Variants in CASK observed in about 807,000 individuals in gnomAD.
CASK encodes peripheral plasma membrane protein CASK.
Under a neutral mutation model 82.9 loss-of-function variants are expected in CASK, and 4 were observed. The ratio of observed to expected loss-of-function variants is 0.05; its 90% CI spans 0.02 to 0.11. The LOEUF is 0.11. Among genes scored for constraint, CASK ranks in the 10% least tolerant of loss-of-function variants. The probability of loss-of-function intolerance (pLI) is 1.00; values close to 1 mark genes in which losing one functional copy is unlikely to be tolerated. For missense variants in CASK, 358 were observed against 720.9 expected (o/e 0.50, Z 5.76); for synonymous variants, 259 against 253.5 (o/e 1.02, Z -0.20).
At chrX:41,853,362 T>A in intron 1 of CASK, 135 bp from the exon 2 acceptor site, 1 of 379,532 alleles carries the variant, frequency 2.6e-6, no homozygotes. Context: ...TTGAACACAG[T>A]TTTCAAAATA....
chrX:41,561,787 C>T (rs2065231640), intron 16 of CASK, 143 bp from the exon 17 acceptor site: 1 of 497,736 alleles, frequency 2.0e-6, no homozygotes, highest in Non-Finnish European at 3.5e-6. Flanking sequence ...TTGGTTGCAG[C>T]AGAATTATTT....
At chrX:41,898,970 C>T (rs1205465712) in intron 1 of CASK, among the ~76,000 whole-genome samples, 1 of 111,651 alleles carries the variant, frequency 9.0e-6, no homozygotes, top group East Asian at 2.8e-4. Context: ...TACAAATCTG[C>T]TATTTCCTTA....
chrX:41,705,217 A>G (rs2067865014), intron 5 of CASK, among the ~76,000 whole-genome samples: 1 of 112,317 alleles, frequency 8.9e-6, no homozygotes, highest in African/African-American at 3.2e-5. Flanking sequence ...CTGAAACTTG[A>G]GCAAGTAAGG....
intron 2 of CASK, among the ~76,000 whole-genome samples, chrX:41,811,939 C>A (rs2070297139): frequency 9.0e-6 from 1 of 111,578 alleles, no homozygotes; most frequent in African/African-American, 3.3e-5. Context: ...TACAAACTAC[C>A]ATCAGAGAAT....
chrX:41,878,317 T>G (rs1305009107), intron 1 of CASK, among the ~76,000 whole-genome samples: 1 of 111,388 alleles, frequency 9.0e-6, no homozygotes, highest in African/African-American at 3.3e-5. Flanking sequence ...TAATTGTTTT[T>G]AGGTCATTGT....
At chrX:41,645,317 C>T (rs2066737732) in intron 8 of CASK, among the ~76,000 whole-genome samples, 2 of 111,514 alleles carry the variant, frequency 1.8e-5, no homozygotes, top group Non-Finnish European at 3.8e-5. Flanking sequence ...AGCCGAATGC[C>T]ATTATACAGG....
intron 12 of CASK, among the ~76,000 whole-genome samples, chrX:41,600,626 G>A (rs975251493): frequency 1.2e-4 from 14 of 112,213 alleles, no homozygotes; most frequent in Non-Finnish European, 2.1e-4. Flanking sequence ...CCTGCTTTAA[G>A]AAGTAATTTA....
At chrX:41,844,958 T>C (rs1427116017) in intron 2 of CASK, among the ~76,000 whole-genome samples, 1 of 112,144 alleles carries the variant, frequency 8.9e-6, no homozygotes, top group East Asian at 2.8e-4. Context: ...CTGGCTACTA[T>C]GTTAATTTCC....
intron 8 of CASK, among the ~76,000 whole-genome samples, chrX:41,638,425 C>A (rs1181442564): frequency 9.1e-6 from 1 of 110,472 alleles, no homozygotes; most frequent in Non-Finnish European, 1.9e-5. Flanking sequence ...TGGTGGCATG[C>A]ACCTGTAATC....
chrX:41,531,104 T>A lies in CASK; in HGVS notation c.2423A>T (p.Tyr808Phe). Residue 808 changes from tyrosine (Y) to phenylalanine (F), a missense_variant, in exon 25 of 27, where the codon TAC becomes TTC. Tyr to Phe is a conservative substitution (Grantham distance 22). Coordinates refer to ENST00000378163, the MANE Select transcript of CASK (RefSeq NM_001367721.1). ...QDISNNEYLEYGSHEDAMYGT... is the reference protein window; with the variant it reads ...QDISNNEYLEFGSHEDAMYGT... ...ATACATCGCATCCTCGTGGCTGCCGTACTCCAAGTACTCGTTATTAGAGAT... is the reference window on the plus strand; with the variant it reads ...ATACATCGCATCCTCGTGGCTGCCGAACTCCAAGTACTCGTTATTAGAGAT... The A allele has an allele frequency of 8.3e-7, 1 of 1,206,377 alleles. No homozygotes were observed. Among genetic ancestry groups the A allele is most frequent in the Non-Finnish European group, 1.1e-6 (1 of 890,467 alleles).
At chrX:41,769,688 C>A (rs1249979403) in intron 3 of CASK, among the ~76,000 whole-genome samples, 3 of 111,247 alleles carry the variant, frequency 2.7e-5, no homozygotes, top group East Asian at 5.6e-4. Context: ...GTGGCTCATG[C>A]CTGTAATCTC....
intron 12 of CASK, among the ~76,000 whole-genome samples, chrX:41,590,423 T>A (rs1177561858): frequency 1.9e-5 from 2 of 103,850 alleles, no homozygotes; most frequent in African/African-American, 3.5e-5. Context: ...GGCAGGAGAA[T>A]TGCTTGAACC....
At chrX:41,535,608 C>G (rs1463493470) in intron 22 of CASK, among the ~76,000 whole-genome samples, 1 of 110,779 alleles carries the variant, frequency 9.0e-6, no homozygotes, top group Non-Finnish European at 1.9e-5. Flanking sequence ...AATGGAAAGT[C>G]TTGAATATGT....
intron 3 of CASK, among the ~76,000 whole-genome samples, chrX:41,752,293 C>CTT (rs778670499): frequency 4.9e-5 from 5 of 102,463 alleles, no homozygotes; most frequent in African/African-American, 1.8e-4. Context: ...AAAATTAGAA[C>CTT]TTTTTTTTTT....
chrX:41,524,144 G>C, intron 25 of CASK, 110 bp from the exon 26 acceptor site: 1 of 607,117 alleles, frequency 1.6e-6, no homozygotes, highest in Non-Finnish European at 2.6e-6. Flanking sequence ...CAAGCTCTTG[G>C]CTCAAATTTT....
intron 1 of CASK, among the ~76,000 whole-genome samples, chrX:41,867,223 C>T (rs1432360756): frequency 8.9e-6 from 1 of 111,976 alleles, no homozygotes; most frequent in Non-Finnish European, 1.9e-5. Flanking sequence ...TCTCTGAAGG[C>T]AGGAATTTTC....
intron 4 of CASK, among the ~76,000 whole-genome samples, chrX:41,744,870 G>C (rs2068660204): frequency 9.0e-6 from 1 of 111,402 alleles, no homozygotes; most frequent in Non-Finnish European, 1.9e-5. Context: ...AGGCAGATTT[G>C]CCAAAACAAA....
intron 5 of CASK, among the ~76,000 whole-genome samples, chrX:41,687,405 G>T (rs2067461125): frequency 8.9e-6 from 1 of 111,941 alleles, no homozygotes; most frequent in African/African-American, 3.2e-5. Context: ...ATGCTGCAAC[G>T]CAGATGAACC....
At chrX:41,584,612 A>G (rs1008750211) in intron 14 of CASK, 1 of 110,968 alleles carries the variant, frequency 9.0e-6, no homozygotes, top group Non-Finnish European at 1.9e-5. Context: ...TAGGGTTCCC[A>G]CTCCTATGAG....
Sources: gnomAD v4.1 joint callset for allele counts (sites outside exome capture counted in the v4.1 genomes callset) on GRCh38, gnomAD v4.1.1 for gene constraint, MANE v1.5 for transcripts, NCBI Gene and HGNC (gene_info 2026-07-23, HGNC 2026-07-21) for gene names.